HS6ST3: variants seen among roughly 807,000 people sequenced by gnomAD.
HS6ST3 encodes the protein heparan-sulfate 6-O-sulfotransferase 3.
In HS6ST3, 12 loss-of-function variants were observed where a neutral mutation model predicts 36.7. That is an observed-to-expected ratio of 0.33 (90% CI 0.21 to 0.53). HS6ST3 has a LOEUF of 0.53. Among genes scored for constraint, HS6ST3 ranks in the 20% least tolerant of loss-of-function variants. The pLI, the probability that HS6ST3 is intolerant of heterozygous loss-of-function variation, is 0.95. For missense variants in HS6ST3, 584 were observed against 640.9 expected, an observed-to-expected ratio of 0.91 and a Z score of 0.96; for synonymous variants, 240 against 257.5, an observed-to-expected ratio of 0.93 and a Z score of 0.65.
Position 96,620,867 on chromosome 13 carries a change from G to A in HS6ST3, c.708-211623G>A, listed in dbSNP as rs566431992. ...TTTTTTTTAAATAGGAAATCTTGATGCCACCTTCACTGGCTACAAACTAAG... is the reference window on the plus strand; with the variant it reads ...TTTTTTTTAAATAGGAAATCTTGATACCACCTTCACTGGCTACAAACTAAG... On this transcript the variant is annotated intron_variant, in intron 1 of 1. Transcript: ENST00000376705. 2.0e-5 allele frequency among the ~76,000 whole-genome samples: 3 copies of A among 151,852 alleles called. No homozygotes were observed. The East Asian group carries it at 5.8e-4, about 29-fold the overall frequency.
chr13:96,273,217 A>T lies in HS6ST3; in HGVS notation c.707+181648A>T, dbSNP rs773716552. On this transcript the variant is annotated intron_variant, in intron 1 of 1. Coordinates refer to ENST00000376705, the MANE Select transcript of HS6ST3 (RefSeq NM_153456.4). Reference sequence around the variant, plus strand: ...GTAGGATGGCCCTTCCTGATGCTTCATGATGAGGTAGGGCTATGGCTAGTT... The same window carrying T: ...GTAGGATGGCCCTTCCTGATGCTTCTTGATGAGGTAGGGCTATGGCTAGTT... Among the ~76,000 whole-genome samples, 104 of 152,068 alleles carry T rather than the reference A, an allele frequency of 6.8e-4. 2 individuals carry two copies. The highest frequency in any genetic ancestry group is 3.1e-4 in the Non-Finnish European group (21 of 68,018).
intron 1 of HS6ST3, among the ~76,000 whole-genome samples, chr13:96,230,312 G>A (rs2054502009): frequency 6.6e-6 from 1 of 152,152 alleles, no homozygotes; most frequent in Non-Finnish European, 1.5e-5. Flanking sequence ...GAAAGGCATT[G>A]AGGCTTGGAA....
intron 1 of HS6ST3, among the ~76,000 whole-genome samples, chr13:96,430,089 C>T (rs539909657): frequency 1.3e-5 from 2 of 152,320 alleles, no homozygotes; most frequent in African/African-American, 4.8e-5. Flanking sequence ...GACAACATTG[C>T]AGCTAGCGTC....
intron 1 of HS6ST3, among the ~76,000 whole-genome samples, chr13:96,381,404 A>G (rs901501641): frequency 7.7e-6 from 1 of 129,292 alleles, no homozygotes. Flanking sequence ...GTATCTATGT[A>G]TCTATGTATC....
chr13:96,666,396 A>G (rs1179140980), intron 1 of HS6ST3, among the ~76,000 whole-genome samples: 1 of 152,112 alleles, frequency 6.6e-6, no homozygotes, highest in African/African-American at 2.4e-5. Flanking sequence ...CTATCCCTTT[A>G]TTATTCTCTT....
At chr13:96,542,653 T>C (rs1043334366) in intron 1 of HS6ST3, among the ~76,000 whole-genome samples, 5 of 152,134 alleles carry the variant, frequency 3.3e-5, no homozygotes, top group Non-Finnish European at 5.9e-5. Context: ...TTCAGCAAAC[T>C]AGTAAGTGTG....
intron 1 of HS6ST3, among the ~76,000 whole-genome samples, chr13:96,259,114 T>C (rs991883965): frequency 2.6e-5 from 4 of 152,142 alleles, no homozygotes; most frequent in African/African-American, 9.7e-5. Context: ...GCAAGCACTT[T>C]AGCTTATCTG....
intron 1 of HS6ST3, among the ~76,000 whole-genome samples, chr13:96,525,909 C>T (rs2056111924): frequency 6.6e-6 from 1 of 152,146 alleles, no homozygotes; most frequent in Non-Finnish European, 1.5e-5. Flanking sequence ...GCAAGATATG[C>T]AAGTAAAACC....
chr13:96,449,068 C>A (rs1168044497), intron 1 of HS6ST3, among the ~76,000 whole-genome samples: 1 of 152,050 alleles, frequency 6.6e-6, no homozygotes, highest in Non-Finnish European at 1.5e-5. Context: ...TTCAAGGAAT[C>A]CTCCTGCCTC....
intron 1 of HS6ST3, among the ~76,000 whole-genome samples, chr13:96,631,965 T>C (rs1190280162): frequency 6.6e-6 from 1 of 152,192 alleles, no homozygotes; most frequent in Non-Finnish European, 1.5e-5. Context: ...GGCTCTTCCG[T>C]TGATTGGACT....
intron 1 of HS6ST3, among the ~76,000 whole-genome samples, chr13:96,149,756 A>C (rs2054075636): frequency 6.6e-6 from 1 of 152,212 alleles, no homozygotes; most frequent in Non-Finnish European, 1.5e-5. Flanking sequence ...CAGCCAAAGG[A>C]TTTGAAGAAC....
chr13:96,782,735 T>G (rs1877555220), intron 1 of HS6ST3, among the ~76,000 whole-genome samples: 3 of 152,088 alleles, frequency 2.0e-5, no homozygotes, highest in Middle Eastern at 3.2e-3. Flanking sequence ...GTCCTTTAAC[T>G]CCAATGGTGA....
chr13:96,726,012 A>G (rs2138472641), intron 1 of HS6ST3, among the ~76,000 whole-genome samples: 1 of 151,876 alleles, frequency 6.6e-6, no homozygotes, highest in African/African-American at 2.4e-5. Context: ...TAGTTTTTGT[A>G]TTTTAGGTAG....
At chr13:96,335,552 A>T (rs1235079515) in intron 1 of HS6ST3, among the ~76,000 whole-genome samples, 1 of 152,152 alleles carries the variant, frequency 6.6e-6, no homozygotes, top group East Asian at 1.9e-4. Context: ...CTTACTGCAT[A>T]CACCAATGTC....
At position 96,092,740 on chromosome 13, in the gene HS6ST3, A is replaced by T. The variant is rs182256441; in HGVS notation, c.707+1171A>T. On this transcript the variant is annotated intron_variant, in intron 1 of 1. Coordinates refer to ENST00000376705, the MANE Select transcript of HS6ST3 (RefSeq NM_153456.4). Reference sequence around the variant, plus strand: ...TACCCAGATTCTGGAATTCACCACCACTGAAGCATCTAATTCTACTTCATT... The same window carrying T: ...TACCCAGATTCTGGAATTCACCACCTCTGAAGCATCTAATTCTACTTCATT... Among the ~76,000 whole-genome samples, 669 of 152,332 alleles carry T rather than the reference A, an allele frequency of 4.4e-3. 25 individuals are homozygous for T. The highest frequency in any genetic ancestry group is 0.039 in the Admixed American group (590 of 15,296).
At chr13:96,299,277 T>C (rs533287762) in intron 1 of HS6ST3, among the ~76,000 whole-genome samples, 2 of 152,360 alleles carry the variant, frequency 1.3e-5, no homozygotes, top group South Asian at 4.1e-4. Flanking sequence ...GGACTGCACC[T>C]GTCTCATTTA....
intron 1 of HS6ST3, among the ~76,000 whole-genome samples, chr13:96,228,209 A>G (rs1400535546): frequency 6.6e-6 from 1 of 152,234 alleles, no homozygotes; most frequent in African/African-American, 2.4e-5. Context: ...CCAATACAAC[A>G]TTATTTATGG....
chr13:96,669,744 C>T (rs374635029), intron 1 of HS6ST3, among the ~76,000 whole-genome samples: 1 of 152,090 alleles, frequency 6.6e-6, no homozygotes, highest in African/African-American at 2.4e-5. Context: ...AGTAAAAATT[C>T]TCTAGTAAAA....
At chr13:96,626,600 T>C (rs1332525227) in intron 1 of HS6ST3, among the ~76,000 whole-genome samples, 2 of 152,188 alleles carry the variant, frequency 1.3e-5, no homozygotes, top group African/African-American at 4.8e-5. Context: ...TTCTTGATCA[T>C]TTACTATTCC....
Sources: allele counts gnomAD v4.1 joint callset (sites outside exome capture counted in the v4.1 genomes callset), GRCh38; gene constraint gnomAD v4.1.1; transcripts MANE v1.5; gene names NCBI Gene and HGNC (gene_info 2026-07-23, HGNC 2026-07-21).